SLC43A1: variants seen among roughly 807,000 people sequenced by gnomAD.
The protein encoded by SLC43A1 is large neutral amino acids transporter small subunit 3.
In SLC43A1, 31 loss-of-function variants were observed where a neutral mutation model predicts 59.5. The ratio of observed to expected loss-of-function variants is 0.52; its 90% CI spans 0.39 to 0.70. The LOEUF (loss-of-function observed/expected upper bound fraction) is 0.70. Ranked by LOEUF, SLC43A1 falls within the 30% of genes least tolerant of loss-of-function variation. The pLI is 0.00. For missense variants in SLC43A1, 598 were observed against 717.8 expected (o/e 0.83, Z 1.91); for synonymous variants, 259 against 290.9 (o/e 0.89, Z 1.12).
chr11:57,491,374 G>C lies in SLC43A1; in HGVS notation c.1055-12C>G. 2 of 1,582,160 alleles carry C rather than the reference G, an allele frequency of 1.3e-6. No individual in the cohort carries two copies. Among genetic ancestry groups the C allele is most frequent in the Non-Finnish European group, 1.7e-6 (2 of 1,162,430 alleles). On this transcript the variant is annotated splice_polypyrimidine_tract_variant and intron_variant, in intron 10 of 14. Coordinates refer to ENST00000278426, the MANE Select transcript of SLC43A1 (RefSeq NM_003627.6). ...GGAGTAGAACCCAACTGGGCAGGAT[G>C]GGAAGGGCAGTGGGGTCAGGAACTG... is the stretch of plus-strand genomic sequence containing the variant.
chr11:57,490,309 T>TAA (rs1554980954), intron 11 of SLC43A1, among the ~76,000 whole-genome samples: 35 of 78,672 alleles, frequency 4.4e-4, no homozygotes, highest in Middle Eastern at 7.8e-3. Context: ...ACTGTCTCAA[T>TAA]AAAAAAAAAA....
chr11:57,513,764 C>G (rs555565689), intron 2 of SLC43A1, among the ~76,000 whole-genome samples, 194 bp downstream of exon 2: 1 of 152,188 alleles, frequency 6.6e-6, no homozygotes. Context: ...CATTCAGTGA[C>G]CACTGGATTA....
At chr11:57,497,389 GC>G (rs1448177628) in intron 6 of SLC43A1, among the ~76,000 whole-genome samples, 1 of 152,316 alleles carries the variant, frequency 6.6e-6, no homozygotes, top group East Asian at 1.9e-4. Flanking sequence ...GAAAAATGTG[GC>G]CCCAAAGGCT....
chr11:57,485,995 CA>C (rs1393413202), intron 14 of SLC43A1, among the ~76,000 whole-genome samples: 5 of 152,200 alleles, frequency 3.3e-5, no homozygotes, highest in Non-Finnish European at 5.9e-5. Context: ...GACTTACTAA[CA>C]GCAGCAGGGC....
chr11:57,486,643 C>CAA (rs745863972), intron 14 of SLC43A1, among the ~76,000 whole-genome samples: 1 of 134,306 alleles, frequency 7.4e-6, no homozygotes. Context: ...ACTAAAAATC[C>CAA]AAAAAAAAAA....
intron 2 of SLC43A1, among the ~76,000 whole-genome samples, chr11:57,503,690 A>T (rs542666837): frequency 1.3e-5 from 2 of 152,314 alleles, no homozygotes; most frequent in South Asian, 2.1e-4. Flanking sequence ...ACTATACAAC[A>T]GCACTGTGCT....
intron 6 of SLC43A1, among the ~76,000 whole-genome samples, chr11:57,497,326 TAA>T (rs1944117311): frequency 2.0e-5 from 3 of 152,324 alleles, no homozygotes; most frequent in Admixed American, 1.3e-4. Flanking sequence ...CAGCCTGGCA[TAA>T]ACTCACTTTG....
In SLC43A1 at chr11:57,489,264, T is replaced by C. The variant is rs116416099; in HGVS notation, c.1322A>G (p.Asn441Ser). 63 of 1,613,992 alleles carry C rather than the reference T, an allele frequency of 3.9e-5. No homozygotes were observed. In the East Asian group the frequency reaches 1.2e-3, roughly 30 times the overall value. ...GAAGGTGGGTACCTGGAGGTGTAAGTTGTTGATGAGACAGGTGATGCCAAA... is the reference window on the plus strand; with the variant it reads ...GAAGGTGGGTACCTGGAGGTGTAAGCTGTTGATGAGACAGGTGATGCCAAA... ...VGFGITCLIN[N>S]LHLQFVTFVL... Residue 441 changes from asparagine (N) to serine (S), a missense_variant, in exon 12 of 15, where the codon AAC becomes AGC. Asn to Ser is a conservative substitution (Grantham distance 46). Transcript: ENST00000278426.
At chr11:57,499,874 T>C (rs1292149772) in intron 5 of SLC43A1, among the ~76,000 whole-genome samples, 2 of 152,018 alleles carry the variant, frequency 1.3e-5, no homozygotes, top group Non-Finnish European at 2.9e-5. Context: ...CTGGGCCAAG[T>C]TGCACAGCAG....
chr11:57,490,379 T>A (rs1487390784), intron 11 of SLC43A1, among the ~76,000 whole-genome samples: 1 of 151,842 alleles, frequency 6.6e-6, no homozygotes, highest in Admixed American at 6.5e-5. Context: ...TCCTGCCTCC[T>A]GGTATTCCCC....
intron 2 of SLC43A1, among the ~76,000 whole-genome samples, chr11:57,510,928 G>A (rs1439412106): frequency 2.0e-5 from 3 of 152,058 alleles, no homozygotes; most frequent in Non-Finnish European, 4.4e-5. Context: ...GTTGCCCTGA[G>A]CTGAGATAGC....
intron 2 of SLC43A1, among the ~76,000 whole-genome samples, chr11:57,508,477 T>C (rs538909443): frequency 6.6e-5 from 10 of 152,246 alleles, no homozygotes; most frequent in Admixed American, 1.3e-4. Context: ...CGGACACTTT[T>C]GATCATGCAG....
intron 2 of SLC43A1, among the ~76,000 whole-genome samples, chr11:57,507,048 C>T (rs967838845): frequency 1.3e-5 from 2 of 152,098 alleles, no homozygotes; most frequent in African/African-American, 4.8e-5. Context: ...GAGTTCCAGG[C>T]CAGGCACAGT....
Position 57,501,294 on chromosome 11 carries a change from G to C in SLC43A1, c.190C>G (p.Arg64Gly), listed in dbSNP as rs751356836. 2 of 1,611,278 alleles carry C rather than the reference G, an allele frequency of 1.2e-6. No homozygotes were observed. The highest frequency in any genetic ancestry group is 4.5e-5 in the East Asian group (2 of 44,886). Residue 64 changes from arginine to glycine, a missense_variant, in exon 3 of 15, where the codon CGC becomes GGC. Coordinates refer to ENST00000278426, the MANE Select transcript of SLC43A1 (RefSeq NM_003627.6). ...SSTNTTQDEQ[R>G]RWPGCDQQDE... is the part of the protein sequence containing the mutation. Reference sequence around the variant, plus strand: ...TGCTGGTCACAGCCTGGCCACCTGCGCTGCTCATCCTGGGTGGTGTTGGTG... The same window carrying C: ...TGCTGGTCACAGCCTGGCCACCTGCCCTGCTCATCCTGGGTGGTGTTGGTG...
In SLC43A1 at chr11:57,514,372, G is replaced by A. The variant is rs527660446; in HGVS notation, c.-13-248C>T. ...GAAACAAGGAAGGTCCTGTCTGCGC[G>A]CTGCAGCTTCCTAGCAGGCTGCCGG... On this transcript the variant is annotated intron_variant, in intron 1 of 14. Coordinates refer to ENST00000278426, the MANE Select transcript of SLC43A1 (RefSeq NM_003627.6). This position sits in a 1 kb window ranked among gnomAD's most constrained non-coding sequence, Gnocchi z 5.5. 1 of 492,302 alleles carries A rather than the reference G, an allele frequency of 2.0e-6. No homozygotes were observed. Among genetic ancestry groups the A allele is most frequent in the Non-Finnish European group, 3.6e-6 (1 of 277,302 alleles). The allele number at this position is 492,302 out of a possible 1,614,324, so 30.5% of individuals were successfully genotyped here.
At position 57,501,208 on chromosome 11, in the gene SLC43A1, CAGGGTGGTGGCGCTG is replaced by C; in HGVS notation, c.261_275del (p.Ser88_Leu92del). The stretch of plus-strand genomic sequence containing the variant: ...AGCGGTCCATGAGGATCCCCAGTGG[CAGGGTGGTGGCGCTG>C]AGCACGAAGGAACCAATGGTGAAGC... On this transcript the variant is annotated inframe_deletion, in exon 3 of 15. Coordinates refer to ENST00000278426, the MANE Select transcript of SLC43A1 (RefSeq NM_003627.6). 1 of 1,612,432 alleles carries C rather than the reference CAGGGTGGTGGCGCTG, an allele frequency of 6.2e-7. No individual in the cohort carries two copies. The highest frequency in any genetic ancestry group is 8.5e-7 in the Non-Finnish European group (1 of 1,180,024).
intron 2 of SLC43A1, 35 bp downstream of exon 2, chr11:57,513,923 T>TA: frequency 6.0e-6 from 7 of 1,162,208 alleles, no homozygotes; most frequent in Non-Finnish European, 6.3e-6. Flanking sequence ...TTGCCATCCC[T>TA]CCCCCCAGCC....
rs145500324 is a variant in SLC43A1, at chr11:57,503,029, C to T, written c.155-1700G>A. Among the ~76,000 whole-genome samples the T allele has an allele frequency of 1.2e-3, 185 of 152,204 alleles. 1 individual carries two copies. Among genetic ancestry groups the T allele is most frequent in the Non-Finnish European group, 1.4e-3 (94 of 68,020 alleles). On this transcript the variant is annotated intron_variant, in intron 2 of 14. Transcript: ENST00000278426. ...CCCCTGACTTTACATATCCAAAGGT[C>T]ATGCAGTTGGCAGAAGAGTAAAGAT... is the stretch of plus-strand genomic sequence containing the variant.
At chr11:57,512,260 A>C (rs1944566801) in intron 2 of SLC43A1, among the ~76,000 whole-genome samples, 1 of 152,060 alleles carries the variant, frequency 6.6e-6, no homozygotes, top group Admixed American at 6.6e-5. Context: ...TTTTAAAGAA[A>C]CACCACCAGC....
Sources: gnomAD v4.1 joint callset for allele counts (sites outside exome capture counted in the v4.1 genomes callset) on GRCh38, gnomAD v4.1.1 for gene constraint, Gnocchi (gnomAD v3.1) non-coding constraint, MANE v1.5 for transcripts, NCBI Gene and HGNC (gene_info 2026-07-23, HGNC 2026-07-21) for gene names.